Variants in HEATR4 observed in about 807,000 individuals in gnomAD.
HEATR4 encodes HEAT repeat containing 4, also known as HEAT repeat-containing protein 4.
HEATR4 carries 95 observed loss-of-function variants against 108.8 expected under a neutral mutation model. The observed-to-expected ratio is 0.87, with a 90% CI of 0.74 to 1.04. The LOEUF (loss-of-function observed/expected upper bound fraction) is 1.04. Ranked by LOEUF, HEATR4 falls within the 50% of genes least tolerant of loss-of-function variation. The pLI, the probability that HEATR4 is intolerant of heterozygous loss-of-function variation, is 0.00. For missense variants in HEATR4, 1,152 were observed against 1,253.8 expected (o/e 0.92, Z 1.23); for synonymous variants, 443 against 459.4 (o/e 0.96, Z 0.46).
the HEATR4 span, chr14:73,575,012 C>A: frequency 1.9e-6 from 3 of 1,597,854 alleles, no homozygotes; most frequent in Non-Finnish European, 2.6e-6. Flanking sequence ...TCGTCATCAA[C>A]GGCTCTGTGG....
the HEATR4 span, among the ~76,000 whole-genome samples, chr14:73,598,138 C>G: frequency 6.8e-6 from 1 of 146,728 alleles, no homozygotes; most frequent in African/African-American, 2.5e-5. Context: ...CTTTGGGAGG[C>G]CGAGGTGGGC....
the HEATR4 span, among the ~76,000 whole-genome samples, chr14:73,625,304 C>T: frequency 5.9e-5 from 9 of 151,968 alleles, no homozygotes; most frequent in African/African-American, 1.9e-4. Flanking sequence ...ATGATCCACC[C>T]GCCTTGGCCT....
chr14:73,616,123 T>G, the HEATR4 span, among the ~76,000 whole-genome samples: 1 of 152,070 alleles, frequency 6.6e-6, no homozygotes, highest in South Asian at 2.1e-4. Context: ...AGTGCCATCA[T>G]GCCCAGCTAG....
chr14:73,624,574 C>T, the HEATR4 span, among the ~76,000 whole-genome samples: 1 of 152,168 alleles, frequency 6.6e-6, no homozygotes, highest in Non-Finnish European at 1.5e-5. Context: ...TGCACTCCAT[C>T]CAGCCTGGGT....
the HEATR4 span, among the ~76,000 whole-genome samples, chr14:73,606,296 C>T: frequency 1.3e-5 from 2 of 151,694 alleles, no homozygotes; most frequent in Non-Finnish European, 2.9e-5. Context: ...GTGGAGGTTG[C>T]GGTAAGCCGA....
chr14:73,490,994 G>A (rs1885675826), intron 17 of HEATR4: 2 of 1,351,828 alleles, frequency 1.5e-6, no homozygotes, highest in Non-Finnish European at 1.9e-6. Flanking sequence ...CCGGCCGGGC[G>A]GGGAAGACTG....
the HEATR4 span, among the ~76,000 whole-genome samples, chr14:73,614,755 A>C: frequency 6.6e-6 from 1 of 151,166 alleles, no homozygotes; most frequent in South Asian, 2.1e-4. Context: ...TCAAAAAAAA[A>C]AAAAAAAAAA....
chr14:73,570,501 A>G, the HEATR4 span, among the ~76,000 whole-genome samples: 1 of 151,964 alleles, frequency 6.6e-6, no homozygotes, highest in Admixed American at 6.6e-5. Flanking sequence ...CCCGGGAGGC[A>G]GAGTTTGTAG....
chr14:73,530,438 G>T (rs1888639540), intron 1 of HEATR4, 194 bp from the exon 2 acceptor site: 1 of 130,198 alleles, frequency 7.7e-6, no homozygotes, highest in Non-Finnish European at 1.7e-5. Context: ...CCTGGTTAGT[G>T]GGGAGAGTGG....
Position 73,537,344 on chromosome 14 carries a change from G to C in HEATR4, c.-151-7100C>G. 3 of 1,159,212 alleles carry C rather than the reference G, an allele frequency of 2.6e-6. 1 individual carries two copies. Among genetic ancestry groups the C allele is most frequent in the Non-Finnish European group, 3.4e-6 (3 of 869,992 alleles). The allele number at this position is 1,159,212 out of a possible 1,614,324, so 71.8% of individuals were successfully genotyped here. A position where few individuals can be genotyped will look rare whatever the true frequency, so the allele number is the denominator to read the frequency against. On this transcript the variant is annotated intron_variant, in intron 1 of 17. Coordinates refer to ENST00000553558, the MANE Select transcript of HEATR4 (RefSeq NM_001220484.1). ...GGCGTTTAGCCTGCGACGGCAGCCC[G>C]AGAGGAAGAGTTGGGCAGAGTTGCA...
chr14:73,508,622 GC>G (rs2140274943), intron 8 of HEATR4, among the ~76,000 whole-genome samples: 1 of 151,892 alleles, frequency 6.6e-6, no homozygotes, highest in African/African-American at 2.4e-5. Context: ...GGTGGCATGC[GC>G]CTGTAATCCC....
the HEATR4 span, among the ~76,000 whole-genome samples, chr14:73,592,920 A>G: frequency 6.6e-6 from 1 of 152,246 alleles, no homozygotes; most frequent in East Asian, 1.9e-4. Context: ...CTTGCATTCT[A>G]TCAGTTAGTC....
the HEATR4 span, chr14:73,593,999 C>T: frequency 1.7e-6 from 2 of 1,182,022 alleles, no homozygotes; most frequent in Non-Finnish European, 2.3e-6. Context: ...CTCTGTTCCT[C>T]TTTCACAAAG....
chr14:73,563,732 G>T (rs1183277988), upstream of HEATR4, among the ~76,000 whole-genome samples: 2 of 151,994 alleles, frequency 1.3e-5, no homozygotes, highest in Non-Finnish European at 2.9e-5. Context: ...GGAGGCCAAG[G>T]CAGGAGGGTC....
rs536756451 is a variant in HEATR4, at chr14:73,545,532, T to G, written c.-152+13219A>C. ...TCCACAAGAATGCCAGTGCTGGGCA[T>G]GGAGCCCCATTTAGAGTACACATGA... On this transcript the variant is annotated intron_variant, in intron 1 of 17. Coordinates refer to ENST00000553558, the MANE Select transcript of HEATR4 (RefSeq NM_001220484.1). Among the ~76,000 whole-genome samples the G allele has an allele frequency of 9.9e-4, 72 of 72,948 alleles. 10 individuals are homozygous for G. Among genetic ancestry groups the G allele is most frequent in the African/African-American group, 3.1e-3 (72 of 23,506 alleles). 47.9% of individuals were successfully genotyped at this position (72,948 alleles called of 152,430 possible). A position where few individuals can be genotyped will look rare whatever the true frequency, so the allele number is the denominator to read the frequency against.
chr14:73,504,538 G>A (rs1464023821), intron 10 of HEATR4, among the ~76,000 whole-genome samples: 4 of 152,080 alleles, frequency 2.6e-5, no homozygotes, highest in African/African-American at 9.7e-5. Context: ...CACTGTGCCC[G>A]GCCGATTTTT....
rs1225560109 is a variant in HEATR4, at chr14:73,486,697, T to TG, written c.2844+6368dup. 2.1e-5 allele frequency among the ~76,000 whole-genome samples: 3 copies of TG among 142,156 alleles called. No homozygotes were observed. In the East Asian group the frequency reaches 7.0e-4, roughly 33 times the overall value. 93.3% of individuals were successfully genotyped at this position (142,156 alleles called of 152,430 possible). ...TGGGCAACAGAGTGAGACTCTGTCT[T>TG]GAAAAAAAAAAAGAAAGGAACTTAT... On this transcript the variant is annotated intron_variant, in intron 17 of 17. Coordinates refer to ENST00000553558, the MANE Select transcript of HEATR4 (RefSeq NM_001220484.1).
At chr14:73,543,264 T>C (rs766809536) in intron 1 of HEATR4, 2 of 1,591,058 alleles carry the variant, frequency 1.3e-6, no homozygotes, top group South Asian at 1.1e-5. Flanking sequence ...TATGCAGACA[T>C]TGTGGATGTC....
intron 17 of HEATR4, among the ~76,000 whole-genome samples, chr14:73,490,652 A>G (rs1243372068): frequency 6.6e-6 from 1 of 152,028 alleles, no homozygotes; most frequent in Non-Finnish European, 1.5e-5. Flanking sequence ...ACGGGGTTTC[A>G]CCATACTGGT....
Sources: gnomAD v4.1 joint callset for allele counts (sites outside exome capture counted in the v4.1 genomes callset) on GRCh38, gnomAD v4.1.1 for gene constraint, MANE v1.5 for transcripts, NCBI Gene and HGNC (gene_info 2026-07-23, HGNC 2026-07-21) for gene names.